CACNB4: variants seen among roughly 807,000 people sequenced by gnomAD.
CACNB4 encodes the protein voltage-dependent L-type calcium channel subunit beta-4.
A neutral mutation model predicts 71.2 loss-of-function variants in CACNB4; 32 were observed. The ratio of observed to expected loss-of-function variants is 0.45; its 90% confidence interval spans 0.34 to 0.60. CACNB4 has a LOEUF of 0.60. CACNB4 is among the 20% of genes least tolerant of loss of function. CACNB4 has a pLI of 0.01. For synonymous variants in CACNB4, 231 were observed against 236.9 expected (o/e 0.97, Z 0.23); for missense variants, 464 against 647.9 (o/e 0.72, Z 3.08).
At chr2:152,039,415 CAA>C (rs34058095) in intron 2 of CACNB4, among the ~76,000 whole-genome samples, 10 of 137,582 alleles carry the variant, frequency 7.3e-5, no homozygotes, top group Non-Finnish European at 8.0e-5. Flanking sequence ...GACTCTGTCT[CAA>C]AAAAAAAAAA....
chr2:151,910,139 T>C (rs2099855822), intron 2 of CACNB4, among the ~76,000 whole-genome samples: 1 of 152,208 alleles, frequency 6.6e-6, no homozygotes, highest in African/African-American at 2.4e-5. Flanking sequence ...ATCAGTGATG[T>C]TGTGTTTTTT....
At chr2:151,908,370 T>C (rs561118299) in intron 2 of CACNB4, among the ~76,000 whole-genome samples, 1 of 152,276 alleles carries the variant, frequency 6.6e-6, no homozygotes, top group East Asian at 1.9e-4. Flanking sequence ...AGCTGACCAT[T>C]TTGCTTGATG....
At chr2:152,025,135 T>C (rs2105149301) in intron 2 of CACNB4, among the ~76,000 whole-genome samples, 1 of 152,362 alleles carries the variant, frequency 6.6e-6, no homozygotes, top group East Asian at 1.9e-4. Context: ...ATTTGTCATT[T>C]TGGCTAAATT....
chr2:151,946,245 C>T (rs1277076757), intron 2 of CACNB4, among the ~76,000 whole-genome samples: 1 of 151,820 alleles, frequency 6.6e-6, no homozygotes, highest in East Asian at 2.0e-4. Context: ...AGGAGAATCA[C>T]TTGAACCCGG....
At chr2:151,920,008 G>T (rs2099858512) in intron 2 of CACNB4, among the ~76,000 whole-genome samples, 1 of 152,210 alleles carries the variant, frequency 6.6e-6, no homozygotes, top group East Asian at 1.9e-4. Context: ...GGCAATGGTT[G>T]TGATTTCCAA....
At chr2:151,959,404 G>A (rs774398633) in intron 2 of CACNB4, among the ~76,000 whole-genome samples, 1 of 152,110 alleles carries the variant, frequency 6.6e-6, no homozygotes, top group African/African-American at 2.4e-5. Context: ...TGTCCCATGC[G>A]TACCCTTCCC....
chr2:151,905,273 C>T (rs2151517306), intron 2 of CACNB4, among the ~76,000 whole-genome samples: 1 of 152,326 alleles, frequency 6.6e-6, no homozygotes, highest in Non-Finnish European at 1.5e-5. Flanking sequence ...GCTTGCTACT[C>T]ATTGCCATTT....
intron 2 of CACNB4, among the ~76,000 whole-genome samples, chr2:151,976,254 T>TA (rs2099873780): frequency 6.6e-6 from 1 of 152,202 alleles, no homozygotes; most frequent in Non-Finnish European, 1.5e-5. Flanking sequence ...TCATAAACTG[T>TA]AAGAGGTGGG....
At chr2:151,999,713 A>G (rs1013143757) in intron 2 of CACNB4, among the ~76,000 whole-genome samples, 8 of 152,184 alleles carry the variant, frequency 5.3e-5, no homozygotes, top group Middle Eastern at 3.2e-3. Flanking sequence ...CATTTTGTTT[A>G]GGTACCAAGG....
chr2:152,056,670 A>G (rs1685747306), intron 2 of CACNB4, among the ~76,000 whole-genome samples: 1 of 152,166 alleles, frequency 6.6e-6, no homozygotes, highest in South Asian at 2.1e-4. Flanking sequence ...TTATTATTAT[A>G]ACCCAGATGG....
intron 2 of CACNB4, among the ~76,000 whole-genome samples, chr2:152,031,818 T>A (rs540819974): frequency 6.6e-6 from 1 of 152,304 alleles, no homozygotes; most frequent in East Asian, 1.9e-4. Flanking sequence ...GTTTTAAAAA[T>A]TATCCATATT....
At chr2:151,954,863 T>TTTC in intron 2 of CACNB4, among the ~76,000 whole-genome samples, 1 of 143,430 alleles carries the variant, frequency 7.0e-6, no homozygotes, top group South Asian at 2.3e-4. Context: ...TTTTTTTTTT[T>TTTC]TTTTTTTTGA....
intron 2 of CACNB4, chr2:151,971,416 C>T (rs559401082): frequency 4.0e-5 from 27 of 680,730 alleles, no homozygotes; most frequent in South Asian, 3.3e-4. Flanking sequence ...AACCGAAGTG[C>T]CGTACTCAGC....
chr2:152,001,066 C>T (rs760047287), intron 2 of CACNB4, among the ~76,000 whole-genome samples: 8 of 152,204 alleles, frequency 5.3e-5, no homozygotes, highest in Non-Finnish European at 1.2e-4. Flanking sequence ...TTTCAACAAC[C>T]CTACGAGGCA....
At chr2:151,895,097 CACACA>C (rs2099851697) in intron 2 of CACNB4, among the ~76,000 whole-genome samples, 23 of 18,484 alleles carry the variant, frequency 1.2e-3, no homozygotes, top group Admixed American at 0.012. Context: ...CAAATAGCCC[CACACA>C]CACACACACA....
intron 2 of CACNB4, among the ~76,000 whole-genome samples, chr2:152,002,659 C>T (rs963057493): frequency 5.3e-5 from 8 of 152,144 alleles, no homozygotes; most frequent in African/African-American, 1.9e-4. Context: ...CAATGTGTAC[C>T]TTATACCACA....
chr2:152,072,914 G>T (rs560639479), intron 2 of CACNB4, among the ~76,000 whole-genome samples: 3 of 151,968 alleles, frequency 2.0e-5, no homozygotes, highest in Admixed American at 6.6e-5. Flanking sequence ...CTCCCAAAGT[G>T]CTGGGATTAC....
intron 2 of CACNB4, among the ~76,000 whole-genome samples, chr2:152,056,584 C>T (rs1437835833): frequency 2.6e-5 from 4 of 152,134 alleles, no homozygotes; most frequent in African/African-American, 9.7e-5. Flanking sequence ...CCCCTAGTGA[C>T]GTCTTCCCAG....
chr2:151,985,857 A>G (rs1018928011), intron 2 of CACNB4, among the ~76,000 whole-genome samples: 1 of 152,138 alleles, frequency 6.6e-6, no homozygotes, highest in Non-Finnish European at 1.5e-5. Flanking sequence ...CACCTAAGGT[A>G]ATGGCTCTCA....
Sources: gnomAD v4.1 joint callset for allele counts (sites outside exome capture counted in the v4.1 genomes callset) on GRCh38, gnomAD v4.1.1 for gene constraint, MANE v1.5 for transcripts, NCBI Gene and HGNC (gene_info 2026-07-23, HGNC 2026-07-21) for gene names.